SLC17A1: variants seen among roughly 807,000 people sequenced by gnomAD.
The protein encoded by SLC17A1 is solute carrier family 17 member 1.
SLC17A1 carries 51 observed loss-of-function variants against 53.5 expected under a neutral mutation model. The ratio of observed to expected loss-of-function variants is 0.95; its 90% CI spans 0.76 to 1.20. The LOEUF is 1.20. SLC17A1 is among the 50% of genes most tolerant of loss of function. The probability of loss-of-function intolerance (pLI) is 0.00; values close to 1 mark genes in which losing one functional copy is unlikely to be tolerated. For missense variants in SLC17A1, 538 were observed against 568.2 expected (o/e 0.95, Z 0.54); for synonymous variants, 179 against 198.8 (o/e 0.90, Z 0.84).
At chr6:25,820,235 T>A (rs1282207684) in intron 3 of SLC17A1, among the ~76,000 whole-genome samples, 1 of 152,230 alleles carries the variant, frequency 6.6e-6, no homozygotes, top group African/African-American at 2.4e-5. Context: ...CTGTGTAGCA[T>A]ACATACATTT....
chr6:25,739,298 A>C, the SLC17A1 span, among the ~76,000 whole-genome samples: 2 of 152,306 alleles, frequency 1.3e-5, no homozygotes, highest in African/African-American at 4.8e-5. Context: ...TTCGCTTCTC[A>C]TAAGGGAACT....
chr6:25,827,533 C>G (rs189504230), intron 2 of SLC17A1, among the ~76,000 whole-genome samples: 2 of 152,246 alleles, frequency 1.3e-5, no homozygotes, highest in East Asian at 3.9e-4. Context: ...CAAAGTTAAT[C>G]TATATGGCCC....
the SLC17A1 span, chr6:25,726,545 C>T: frequency 1.6e-5 from 26 of 1,596,330 alleles, no homozygotes; most frequent in East Asian, 1.8e-4. Flanking sequence ...CATCAAATTG[C>T]AGCAACACGA....
chr6:25,732,827 C>T, the SLC17A1 span: 3 of 453,508 alleles, frequency 6.6e-6, no homozygotes, highest in East Asian at 6.0e-5. Context: ...GTATGAATAA[C>T]CACCCAAGTT....
chr6:25,825,441 T>C (rs989540707), intron 3 of SLC17A1, among the ~76,000 whole-genome samples: 15 of 152,034 alleles, frequency 9.9e-5, no homozygotes, highest in Non-Finnish European at 2.1e-4. Flanking sequence ...AGGGGTTTTC[T>C]TTCTTTCAAC....
chr6:25,782,581 A>G (rs536410525), downstream of SLC17A1, among the ~76,000 whole-genome samples: 21 of 152,306 alleles, frequency 1.4e-4, no homozygotes, highest in African/African-American at 5.1e-4. Flanking sequence ...GCATCGAGTC[A>G]TCTAAACCTA....
Position 25,819,678 on chromosome 6 carries a change from A to T in SLC17A1, c.441+4T>A. The T allele has an allele frequency of 6.2e-7, 1 of 1,613,758 alleles. No homozygotes were observed. On this transcript the variant is annotated splice_donor_region_variant and intron_variant, in intron 4 of 12. Coordinates refer to ENST00000244527, the MANE Select transcript of SLC17A1 (RefSeq NM_005074.5). ...TCTGTTCAGTTTTAGCATTATTTTAATACCTGGGCTGCTCCCTGAACTGCT... is the reference window on the plus strand; with the variant it reads ...TCTGTTCAGTTTTAGCATTATTTTATTACCTGGGCTGCTCCCTGAACTGCT...
intron 6 of SLC17A1, among the ~76,000 whole-genome samples, chr6:25,818,360 A>G (rs1185567): frequency 0.66 from 100,503 of 152,080 alleles, 34,936 homozygotes; most frequent in African/African-American, 0.87. Flanking sequence ...GATGCTAGAT[A>G]TTCCGAGCTC....
At chr6:25,814,842 C>T (rs901218926) in intron 6 of SLC17A1, among the ~76,000 whole-genome samples, 8 of 151,866 alleles carry the variant, frequency 5.3e-5, no homozygotes, top group African/African-American at 7.3e-5. Flanking sequence ...AAAAATTAGC[C>T]GGGCGTAGCT....
intron 6 of SLC17A1, among the ~76,000 whole-genome samples, chr6:25,814,017 C>T (rs1209811870): frequency 6.6e-6 from 1 of 152,194 alleles, no homozygotes; most frequent in Non-Finnish European, 1.5e-5. Flanking sequence ...CATGTCTTTG[C>T]TATTATCACC....
chr6:25,780,759 T>A (rs1158588123), downstream of SLC17A1: 1 of 152,186 alleles, frequency 6.6e-6, no homozygotes, highest in East Asian at 1.9e-4. Flanking sequence ...GCCCCTGGCA[T>A]GAGGCAATAG....
rs1235966152 is a variant in SLC17A1 at position 25,812,915 on chromosome 6, A to G, written c.813T>C (p.Ser271=). Residue 271 remains serine (S), a synonymous_variant, in exon 8 of 13, where the codon AGT becomes AGC. Transcript: ENST00000244527. The part of the protein sequence containing the change: ...SLPVWAISTG[S]FTFFWSHNIM... Reference sequence around the variant, plus strand: ...TGTTATGTGACCAGAAAAACGTAAAACTACCAGTGGAAATAGCCCAGACTG... The same window carrying G: ...TGTTATGTGACCAGAAAAACGTAAAGCTACCAGTGGAAATAGCCCAGACTG... 5 of 1,613,786 alleles carry G rather than the reference A, an allele frequency of 3.1e-6. No homozygotes were observed. The highest frequency in any genetic ancestry group is 4.5e-5 in the East Asian group (2 of 44,884).
the SLC17A1 span, among the ~76,000 whole-genome samples, chr6:25,760,555 A>G: frequency 2.0e-5 from 3 of 152,076 alleles, no homozygotes; most frequent in African/African-American, 7.2e-5. Context: ...TTCCTAAAGT[A>G]TTGCCTTTTC....
At chr6:25,821,191 G>T (rs192838250) in intron 3 of SLC17A1, among the ~76,000 whole-genome samples, 101 of 152,212 alleles carry the variant, frequency 6.6e-4, no homozygotes, top group Admixed American at 1.7e-3. Context: ...AAATAAAATA[G>T]GTAGGAATCC....
intron 2 of SLC17A1, among the ~76,000 whole-genome samples, chr6:25,828,553 T>G (rs953292011): frequency 1.3e-5 from 2 of 152,058 alleles, no homozygotes; most frequent in African/African-American, 2.4e-5. Flanking sequence ...AAACCTGACT[T>G]AGTGTTGGTG....
At chr6:25,728,290 T>A in the SLC17A1 span, among the ~76,000 whole-genome samples, 1 of 152,194 alleles carries the variant, frequency 6.6e-6, no homozygotes, top group African/African-American at 2.4e-5. Context: ...AAATGTCCCT[T>A]AATTTTCTTA....
chr6:25,738,100 C>T, the SLC17A1 span, among the ~76,000 whole-genome samples: 1 of 152,034 alleles, frequency 6.6e-6, no homozygotes, highest in African/African-American at 2.4e-5. Flanking sequence ...CTTAAAAGTA[C>T]AAGTAAAAGG....
intron 2 of SLC17A1, among the ~76,000 whole-genome samples, chr6:25,828,006 G>A (rs1764812993): frequency 6.6e-6 from 1 of 152,072 alleles, no homozygotes; most frequent in South Asian, 2.1e-4. Flanking sequence ...AATCAGGTGT[G>A]GAAGAGGGGC....
downstream of SLC17A1, chr6:25,780,857 G>C (rs1763251184): frequency 6.6e-6 from 1 of 152,148 alleles, no homozygotes; most frequent in Non-Finnish European, 1.5e-5. Flanking sequence ...CTAAGTGAGA[G>C]AGTGAAAGAT....
Sources: allele counts gnomAD v4.1 joint callset (sites outside exome capture counted in the v4.1 genomes callset), GRCh38; gene constraint gnomAD v4.1.1; transcripts MANE v1.5; gene names NCBI Gene and HGNC (gene_info 2026-07-23, HGNC 2026-07-21).